TUT7: variants seen among roughly 807,000 people sequenced by gnomAD.
TUT7 encodes the protein terminal uridylyl transferase 7.
In TUT7, 33 loss-of-function variants were observed where a neutral mutation model predicts 165.9. The observed-to-expected ratio is 0.20, with a 90% confidence interval of 0.15 to 0.27. TUT7 has a LOEUF of 0.27. Ranked by LOEUF, TUT7 falls within the 10% of genes least tolerant of loss-of-function variation. The pLI, the probability that TUT7 is intolerant of heterozygous loss-of-function variation, is 1.00. For synonymous variants in TUT7, 552 were observed against 608.1 expected (o/e 0.91, Z 1.36); for missense variants, 1,338 against 1,762.3 (o/e 0.76, Z 4.31).
chr9:86,308,315 ACTGGGGCACTG>A, intron 22 of TUT7, 103 bp downstream of exon 22: 1 of 900,342 alleles, frequency 1.1e-6, no homozygotes, highest in Non-Finnish European at 1.6e-6. Context: ...GGACAATGAG[ACTGGGGCACTG>A]CACACCCCAA....
intron 20 of TUT7, 27 bp downstream of exon 20, chr9:86,309,436 A>G (rs1269816073): frequency 6.3e-6 from 10 of 1,575,846 alleles, no homozygotes; most frequent in Non-Finnish European, 7.8e-6. Context: ...TTTTCCAGAT[A>G]AGAAATACAA....
intron 10 of TUT7, 125 bp downstream of exon 10, chr9:86,337,292 CAT>C (rs779294717): frequency 3.8e-6 from 4 of 1,052,668 alleles, no homozygotes; most frequent in African/African-American, 1.6e-5. Flanking sequence ...TGAATATTCA[CAT>C]GAGTAGAATA....
Position 86,288,289 on chromosome 9 carries a change from A to G in TUT7, c.*388T>C, listed in dbSNP as rs1378703754. On this transcript the variant is annotated 3_prime_UTR_variant, in exon 27 of 27. Transcript: ENST00000375963. ...AAATATAATTTCCCCTCTTCAAAACAAAAAATGGATTTATACGGAAAAAGG... is the reference window on the plus strand; with the variant it reads ...AAATATAATTTCCCCTCTTCAAAACGAAAAATGGATTTATACGGAAAAAGG... 2.6e-5 allele frequency: 4 copies of G among 154,664 alleles called. No homozygotes were observed. The highest frequency in any genetic ancestry group is 9.6e-5 in the African/African-American group (4 of 41,498). 9.6% of individuals were successfully genotyped at this position (154,664 alleles called of 1,614,324 possible).
chr9:86,317,715 A>T (rs78286313), intron 16 of TUT7, among the ~76,000 whole-genome samples: 1 of 152,210 alleles, frequency 6.6e-6, no homozygotes, highest in East Asian at 1.9e-4. Flanking sequence ...GTGGAGAGTG[A>T]TTAAGCTCAA....
chr9:86,320,782 C>T (rs1283381449), intron 14 of TUT7, among the ~76,000 whole-genome samples: 4 of 152,108 alleles, frequency 2.6e-5, no homozygotes, highest in Non-Finnish European at 4.4e-5. Flanking sequence ...AGATTTTACC[C>T]TCTCTTCCAA....
intron 2 of TUT7, among the ~76,000 whole-genome samples, chr9:86,347,677 A>C (rs1564100635): frequency 1.3e-5 from 2 of 152,228 alleles, no homozygotes; most frequent in African/African-American, 4.8e-5. Context: ...AAATTAAAAA[A>C]TTAAAAAAAA....
chr9:86,303,333 C>T (rs1317142577), intron 24 of TUT7, 132 bp from the exon 25 acceptor site: 2 of 501,136 alleles, frequency 4.0e-6, no homozygotes, highest in Non-Finnish European at 7.1e-6. Context: ...ATTATTTATA[C>T]TGCTTAATTC....
At chr9:86,344,630 A>G (rs1831597778) in intron 5 of TUT7, among the ~76,000 whole-genome samples, 1 of 150,074 alleles carries the variant, frequency 6.7e-6, no homozygotes, top group African/African-American at 2.5e-5. Flanking sequence ...AAATAACTTC[A>G]GGATACTTCT....
At chr9:86,327,821 G>A (rs1265914293) in intron 11 of TUT7, among the ~76,000 whole-genome samples, 3 of 152,166 alleles carry the variant, frequency 2.0e-5, no homozygotes, top group Non-Finnish European at 4.4e-5. Context: ...AAAAGGTAAC[G>A]GGAAGATCAG....
chr9:86,313,385 A>G (rs1212999516), intron 17 of TUT7, among the ~76,000 whole-genome samples: 4 of 152,168 alleles, frequency 2.6e-5, no homozygotes, highest in Non-Finnish European at 4.4e-5. Flanking sequence ...GAGCATCTGT[A>G]ACTGGATGGG....
chr9:86,301,387 C>G lies in TUT7; in HGVS notation c.4309G>C (p.Val1437Leu). 1 of 1,614,110 alleles carries G rather than the reference C, an allele frequency of 6.2e-7. No individual in the cohort carries two copies. The highest frequency in any genetic ancestry group is 8.5e-7 in the Non-Finnish European group (1 of 1,180,014). The change falls in exon 26 of 27, where the codon GTA (valine) becomes CTA (leucine). Residue 1437 changes from valine to leucine, a missense_variant. Val to Leu is a conservative substitution (Grantham distance 32). Coordinates refer to ENST00000375963, the MANE Select transcript of TUT7 (RefSeq NM_024617.4). ...TCATCCTGTCTCTTCCATTTTTCTACTGGTGGCCTGAGGATCTTCTCCCTC... is the reference window on the plus strand; with the variant it reads ...TCATCCTGTCTCTTCCATTTTTCTAGTGGTGGCCTGAGGATCTTCTCCCTC... ...LGREKILRPP[V>L]EKWKRQDDKD...
rs1279606200 is a variant in TUT7 at position 86,337,511 on chromosome 9, C to T, written c.1363G>A (p.Gly455Arg). ...KLCSIDRPEE[G>R]GLPPYVFALM... ...GCAAACACATAAGGTGGCAGACCTC[C>T]TTCTTCAGGGCGATCTATACTGCAA... The change falls in exon 10 of 27, where the codon GGA becomes AGA. Residue 455 changes from glycine to arginine, a missense_variant. Gly to Arg is a moderately radical substitution (Grantham distance 125, BLOSUM62 -2). Transcript: ENST00000375963. 1 of 1,613,494 alleles carries T rather than the reference C, an allele frequency of 6.2e-7. No individual in the cohort carries two copies. The highest frequency in any genetic ancestry group is 1.1e-5 in the South Asian group (1 of 90,950).
At chr9:86,298,740 C>A (rs1826588880) in intron 26 of TUT7, 1 of 964,674 alleles carries the variant, frequency 1.0e-6, no homozygotes, top group African/African-American at 1.8e-5. Flanking sequence ...AAATAACACA[C>A]ATTTGTTTTT....
intron 22 of TUT7, among the ~76,000 whole-genome samples, chr9:86,306,695 T>C (rs1827523072): frequency 6.6e-6 from 1 of 151,996 alleles, no homozygotes; most frequent in African/African-American, 2.4e-5. Flanking sequence ...TAGTCCCAGC[T>C]ACTCTGGAGG....
At chr9:86,351,422 C>T (rs150301806) in intron 2 of TUT7, among the ~76,000 whole-genome samples, 2 of 151,940 alleles carry the variant, frequency 1.3e-5, no homozygotes, top group Non-Finnish European at 2.9e-5. Context: ...GGTGACAGAG[C>T]GAGACTCCGT....
At chr9:86,289,742 C>A (rs367920912) in intron 26 of TUT7, among the ~76,000 whole-genome samples, 3 of 151,750 alleles carry the variant, frequency 2.0e-5, no homozygotes, top group African/African-American at 4.8e-5. Context: ...AATTCTATAT[C>A]AGGGGTAATC....
chr9:86,319,757 A>G (rs1015016148), intron 14 of TUT7, 87 bp from the exon 15 acceptor site: 3 of 865,148 alleles, frequency 3.5e-6, no homozygotes, highest in Non-Finnish European at 5.3e-6. Flanking sequence ...TTTAGAAAAT[A>G]AAACTTACAA....
intron 26 of TUT7, among the ~76,000 whole-genome samples, chr9:86,296,777 C>T (rs934597869): frequency 1.3e-5 from 2 of 152,158 alleles, no homozygotes; most frequent in African/African-American, 4.8e-5. Context: ...GGGCCAAAGA[C>T]ATACTTAATA....
At chr9:86,317,829 G>C (rs933934020) in intron 16 of TUT7, among the ~76,000 whole-genome samples, 4 of 152,126 alleles carry the variant, frequency 2.6e-5, no homozygotes, top group Admixed American at 2.0e-4. Context: ...CATTTGGGCT[G>C]ACTCAACATA....
Sources: allele counts gnomAD v4.1 joint callset (sites outside exome capture counted in the v4.1 genomes callset), GRCh38; gene constraint gnomAD v4.1.1; transcripts MANE v1.5; gene names NCBI Gene and HGNC (gene_info 2026-07-23, HGNC 2026-07-21).